Variants in GRIA3 observed in about 807,000 individuals in gnomAD.
GRIA3 encodes the protein glutamate ionotropic receptor AMPA type subunit 3, also known as glutamate receptor 3.
Under a neutral mutation model 63.0 loss-of-function variants are expected in GRIA3, and 3 were observed. The observed-to-expected ratio is 0.05, with a 90% CI of 0.02 to 0.12. The LOEUF (loss-of-function observed/expected upper bound fraction) is 0.12, where lower values mean the gene tolerates loss of function less well. GRIA3 is among the 10% of genes least tolerant of loss of function. GRIA3 has a pLI of 1.00. For synonymous variants in GRIA3, 274 were observed against 257.9 expected, an observed-to-expected ratio of 1.06 and a Z score of -0.60; for missense variants, 347 against 700.9, an observed-to-expected ratio of 0.50 and a Z score of 5.70.
At chrX:123,406,477 T>C (rs2045474468) in intron 10 of GRIA3, among the ~76,000 whole-genome samples, 1 of 110,922 alleles carries the variant, frequency 9.0e-6, no homozygotes, top group Non-Finnish European at 1.9e-5. Flanking sequence ...CATATGAGAG[T>C]ACTGGGGTCA....
At chrX:123,325,554 T>C (rs1238318039) in intron 3 of GRIA3, among the ~76,000 whole-genome samples, 2 of 111,687 alleles carry the variant, frequency 1.8e-5, no homozygotes, top group South Asian at 3.8e-4. Context: ...TTGGGAGACA[T>C]AATTTACCTT....
intron 3 of GRIA3, among the ~76,000 whole-genome samples, chrX:123,306,916 G>C (rs1388962211): frequency 8.9e-6 from 1 of 111,907 alleles, no homozygotes; most frequent in African/African-American, 3.3e-5. Context: ...GAGAATTGGG[G>C]AAGATGCTTT....
chrX:123,383,347 A>G (rs1341526836), intron 5 of GRIA3, among the ~76,000 whole-genome samples: 1 of 111,168 alleles, frequency 9.0e-6, no homozygotes. Flanking sequence ...AACTATAATT[A>G]CCCTACTCTG....
At chrX:123,471,990 C>CATATATATATATATATATATATAT (rs760824587) in intron 13 of GRIA3, among the ~76,000 whole-genome samples, 332 of 13,353 alleles carry the variant, frequency 0.025, 82 homozygotes, top group Non-Finnish European at 0.035. Context: ...CAATGGCATT[C>CATATATATATATATATATATATAT]ATATATATAT....
intron 12 of GRIA3, among the ~76,000 whole-genome samples, chrX:123,446,719 C>T (rs1420867454): frequency 8.9e-6 from 1 of 111,925 alleles, no homozygotes; most frequent in African/African-American, 3.2e-5. Flanking sequence ...CCTGAATAAG[C>T]ATTCCTTAGT....
At chrX:123,286,570 C>T (rs6649000) in intron 3 of GRIA3, among the ~76,000 whole-genome samples, 43,315 of 110,061 alleles carry the variant, frequency 0.39, 7,705 homozygotes, top group African/African-American at 0.7. Context: ...CAATAAAAAC[C>T]GATAAAGGGA....
intron 5 of GRIA3, among the ~76,000 whole-genome samples, chrX:123,389,187 T>C (rs2045370502): frequency 8.9e-6 from 1 of 112,433 alleles, no homozygotes. Flanking sequence ...AGAATGTGTA[T>C]TCTATAGCTG....
chrX:123,365,739 T>TA lies in GRIA3; in HGVS notation c.750+10778dup, dbSNP rs201064657. On this transcript the variant is annotated intron_variant, in intron 5 of 15. Transcript: ENST00000620443. ...TTAGATGCTTGGGCCTCATACTCCGTAAGTCTAAATTAGAGAAAGGGATAC... is the reference window on the plus strand; with the variant it reads ...TTAGATGCTTGGGCCTCATACTCCGTAAAGTCTAAATTAGAGAAAGGGATAC... Among the ~76,000 whole-genome samples, 985 of 111,992 alleles carry TA rather than the reference T, an allele frequency of 8.8e-3. 9 individuals carry two copies. Among genetic ancestry groups the TA allele is most frequent in the African/African-American group, 0.029 (908 of 30,851 alleles).
chrX:123,185,683 G>T, intron 1 of GRIA3, 149 bp from the exon 2 acceptor site: 1 of 516,208 alleles, frequency 1.9e-6, no homozygotes. Flanking sequence ...GAGTTCACAA[G>T]TCTTGAAAGA....
At chrX:123,240,034 T>C (rs1440245464) in intron 2 of GRIA3, among the ~76,000 whole-genome samples, 2 of 112,124 alleles carry the variant, frequency 1.8e-5, no homozygotes, top group Non-Finnish European at 3.8e-5. Context: ...CAAAGGGGTG[T>C]AGGGGATTTG....
Position 123,283,220 on chromosome X carries a change from C to T in GRIA3, c.508+29678C>T, listed in dbSNP as rs760405301. 2.7e-5 allele frequency among the ~76,000 whole-genome samples: 3 copies of T among 111,975 alleles called. No individual in the cohort carries two copies. The East Asian group carries it at 8.5e-4, about 32-fold the overall frequency. Reference sequence around the variant, plus strand: ...GGAATGGTGCACTCTGACCCAGATACTATGCTTTTCCCACAGTCTTCACAA... The same window carrying T: ...GGAATGGTGCACTCTGACCCAGATATTATGCTTTTCCCACAGTCTTCACAA... On this transcript the variant is annotated intron_variant, in intron 3 of 15. Coordinates refer to ENST00000620443, the MANE Select transcript of GRIA3 (RefSeq NM_007325.5).
chrX:123,366,313 C>T (rs776013523), intron 5 of GRIA3, among the ~76,000 whole-genome samples: 11 of 111,335 alleles, frequency 9.9e-5, no homozygotes, highest in Non-Finnish European at 1.9e-4. Flanking sequence ...GACATTTCTC[C>T]TCTCCCTTTT....
rs1164740542 is a variant in GRIA3, at chrX:123,463,572, AAGGAAGGG to A, written c.2077-1289_2077-1282del. 2.2e-3 allele frequency among the ~76,000 whole-genome samples: 68 copies of A among 31,449 alleles called. 1 individual carries two copies. Among genetic ancestry groups the A allele is most frequent in the African/African-American group, 2.2e-3 (12 of 5,352 alleles). The allele number at this position is 31,449 out of a possible 115,157, so 27.3% of individuals were successfully genotyped here. A position where few individuals can be genotyped will look rare whatever the true frequency, so the allele number is the denominator to read the frequency against. On this transcript the variant is annotated intron_variant, in intron 12 of 15. Coordinates refer to ENST00000620443, the MANE Select transcript of GRIA3 (RefSeq NM_007325.5). ...AAGCGAAGGAAGGAAGGAAGGAAGG[AAGGAAGGG>A]AGGGAGGGAGGGAGGGAGGGAGGGA...
intron 2 of GRIA3, among the ~76,000 whole-genome samples, chrX:123,248,628 A>C (rs972396642): frequency 9.0e-6 from 1 of 110,783 alleles, no homozygotes; most frequent in East Asian, 2.8e-4. Context: ...TCTACTAAAT[A>C]TACAAAAATT....
At chrX:123,298,101 T>C (rs1440766085) in intron 3 of GRIA3, among the ~76,000 whole-genome samples, 1 of 111,758 alleles carries the variant, frequency 8.9e-6, no homozygotes, top group East Asian at 2.8e-4. Context: ...GCATGGTGTA[T>C]ATTATGACAT....
intron 3 of GRIA3, among the ~76,000 whole-genome samples, chrX:123,301,480 G>A (rs2044722861): frequency 9.0e-6 from 1 of 111,227 alleles, no homozygotes. Flanking sequence ...CTATAGAATG[G>A]AGATAATAGC....
chrX:123,262,364 C>T (rs1408699980), intron 3 of GRIA3, among the ~76,000 whole-genome samples: 1 of 111,748 alleles, frequency 8.9e-6, no homozygotes, highest in Non-Finnish European at 1.9e-5. Context: ...TGTCTAGGGA[C>T]ATTTTAGTAG....
At chrX:123,345,759 C>T (rs976396190) in intron 4 of GRIA3, among the ~76,000 whole-genome samples, 1 of 110,816 alleles carries the variant, frequency 9.0e-6, no homozygotes, top group African/African-American at 3.3e-5. Flanking sequence ...AGTAATGATG[C>T]CTTTCCACGG....
chrX:123,483,128 GT>G, intron 15 of GRIA3, 82 bp downstream of exon 15: 1 of 717,399 alleles, frequency 1.4e-6, no homozygotes, highest in Non-Finnish European at 2.1e-6. Flanking sequence ...TTTTTTTTTA[GT>G]TTGGTTTATT....
Sources: allele counts gnomAD v4.1 joint callset (sites outside exome capture counted in the v4.1 genomes callset), GRCh38; gene constraint gnomAD v4.1.1; transcripts MANE v1.5; gene names NCBI Gene and HGNC (gene_info 2026-07-23, HGNC 2026-07-21).